The following TEKTIP1 variants were observed in gnomAD, a reference collection of about 807,000 sequenced individuals.
TEKTIP1 encodes the protein tektin bundle interacting protein 1, also known as tektin bundle-interacting protein 1.
the TEKTIP1 span, among the ~76,000 whole-genome samples, chr19:3,541,158 G>A: frequency 2.6e-5 from 3 of 115,978 alleles, no homozygotes; most frequent in Admixed American, 2.0e-4. Context: ...GACAGAGCAA[G>A]ACTCTGTCTC....
chr19:3,543,349 C>T, the TEKTIP1 span: 1 of 1,549,494 alleles, frequency 6.5e-7, no homozygotes, highest in Non-Finnish European at 8.7e-7. Context: ...GGTACACAGG[C>T]CTGACCAACT....
chr19:3,543,171 C>T, the TEKTIP1 span: 66 of 1,520,728 alleles, frequency 4.3e-5, no homozygotes, highest in South Asian at 6.1e-5. Flanking sequence ...TGGCAGACAT[C>T]GCAAAGGGGT....
chr19:3,543,480 G>C, the TEKTIP1 span: 15 of 1,338,726 alleles, frequency 1.1e-5, no homozygotes, highest in Non-Finnish European at 1.4e-5. Flanking sequence ...TCGGGTGAGT[G>C]CCCCCCCCCC....
chr19:3,540,618 G>A, the TEKTIP1 span, among the ~76,000 whole-genome samples: 2 of 151,420 alleles, frequency 1.3e-5, no homozygotes, highest in African/African-American at 4.8e-5. Flanking sequence ...AGTGGCTCAC[G>A]CCTGTAATTC....
At chr19:3,542,503 T>A in the TEKTIP1 span, 163 of 966,804 alleles carry the variant, frequency 1.7e-4, no homozygotes, top group Non-Finnish European at 1.9e-4. Context: ...AGACAGAGTC[T>A]CACTCTGTTG....
At chr19:3,543,191 C>T in the TEKTIP1 span, 70 of 1,528,898 alleles carry the variant, frequency 4.6e-5, no homozygotes, top group East Asian at 1.2e-4. Context: ...TCAAAGCACT[C>T]GCTGTAGACA....
the TEKTIP1 span, chr19:3,540,089 C>CTTTTTTTTTTTTTTTTTTTTTTTT: frequency 1.1e-5 from 1 of 88,190 alleles, no homozygotes; most frequent in African/African-American, 3.9e-5. Context: ...CATCTCTTTT[C>CTTTTTTTTTTTTTTTTTTTTTTTT]TTTTTTTTTT....
At chr19:3,542,033 C>G in the TEKTIP1 span, 4 of 645,832 alleles carry the variant, frequency 6.2e-6, no homozygotes, top group African/African-American at 7.9e-5. Flanking sequence ...TGGTCTCGAA[C>G]TCCTGACCTC....
At chr19:3,543,563 C>G in the TEKTIP1 span, 2 of 1,539,838 alleles carry the variant, frequency 1.3e-6, no homozygotes, top group South Asian at 2.4e-5. Flanking sequence ...AGCCTACACC[C>G]AGCACCTGCG....
chr19:3,541,533 G>C, the TEKTIP1 span: 1 of 325,688 alleles, frequency 3.1e-6, no homozygotes, highest in Non-Finnish European at 4.4e-6. Flanking sequence ...ATGTTGGCCA[G>C]GCTGGTCTCA....
At chr19:3,543,617 G>GC in the TEKTIP1 span, 2 of 1,544,688 alleles carry the variant, frequency 1.3e-6, no homozygotes, top group Non-Finnish European at 1.7e-6. Flanking sequence ...CCAGTACCAG[G>GC]CCCCCAGCAC....
chr19:3,543,365 G>T, the TEKTIP1 span: 62 of 1,549,054 alleles, frequency 4.0e-5, no homozygotes, highest in Non-Finnish European at 5.2e-5. Context: ...CAACTCGGAC[G>T]CCTGGGAAGC....
the TEKTIP1 span, among the ~76,000 whole-genome samples, chr19:3,540,310 C>G: frequency 6.6e-6 from 1 of 150,566 alleles, no homozygotes; most frequent in African/African-American, 2.5e-5. Flanking sequence ...AAGACTGGAA[C>G]GCAATGGTGC....
the TEKTIP1 span, among the ~76,000 whole-genome samples, chr19:3,540,937 G>A: frequency 2.0e-5 from 3 of 151,510 alleles, no homozygotes; most frequent in African/African-American, 4.8e-5. Flanking sequence ...TTGGGAGGCC[G>A]AGGCGGGTGG....
chr19:3,543,955 A>G, the TEKTIP1 span: 1 of 1,550,480 alleles, frequency 6.4e-7, no homozygotes, highest in Non-Finnish European at 8.7e-7. Context: ...CTGGAACCAT[A>G]CTGCCCCTCC....
At chr19:3,543,213 TCTGCCCC>T in the TEKTIP1 span, 10 of 1,537,976 alleles carry the variant, frequency 6.5e-6, no homozygotes, top group Non-Finnish European at 8.7e-6. Flanking sequence ...GGGCTCAGTC[TCTGCCCC>T]CTGCCCACCC....
the TEKTIP1 span, chr19:3,539,335 T>C: frequency 2.5e-6 from 2 of 814,376 alleles, no homozygotes; most frequent in East Asian, 4.1e-5. Flanking sequence ...TTACATGGTG[T>C]TTGGTTTGGG....
At chr19:3,541,073 G>A in the TEKTIP1 span, among the ~76,000 whole-genome samples, 5 of 150,002 alleles carry the variant, frequency 3.3e-5, no homozygotes, top group Non-Finnish European at 7.4e-5. Context: ...GGAGGCTGAG[G>A]CAGGAGAATC....
chr19:3,540,372 C>T, the TEKTIP1 span, among the ~76,000 whole-genome samples: 44 of 151,986 alleles, frequency 2.9e-4, no homozygotes, highest in Non-Finnish European at 4.0e-4. Flanking sequence ...ATTCTCCTGC[C>T]TCAGCCTCCC....
Sources: allele counts gnomAD v4.1 joint callset (sites outside exome capture counted in the v4.1 genomes callset), GRCh38; gene constraint gnomAD v4.1.1; transcripts MANE v1.5; gene names NCBI Gene and HGNC (gene_info 2026-07-23, HGNC 2026-07-21).